The following ETV1 variants were observed in gnomAD, a reference collection of about 807,000 sequenced individuals.
The protein encoded by ETV1 is ETS translocation variant 1.
A neutral mutation model predicts 62.3 loss-of-function variants in ETV1; 27 were observed. That is an observed-to-expected ratio of 0.43 (90% confidence interval 0.32 to 0.60). The LOEUF is 0.60. Among genes scored for constraint, ETV1 ranks in the 20% least tolerant of loss-of-function variants. The pLI, the probability that ETV1 is intolerant of heterozygous loss-of-function variation, is 0.06. For synonymous variants in ETV1, 222 were observed against 199.6 expected, an observed-to-expected ratio of 1.11 and a Z score of -0.94; for missense variants, 605 against 605.8, an observed-to-expected ratio of 1.00 and a Z score of 0.01.
chr7:13,989,093 T>G lies in ETV1; in HGVS notation c.-41A>C. On this transcript the variant is annotated 5_prime_UTR_variant, in exon 3 of 14. Transcript: ENST00000430479. ...AAATCTCAGCTCAGTATTTTATATT[T>G]TGAGCATTTAGCTGGAGATTTCCTC... is the stretch of plus-strand genomic sequence containing the variant. 3 of 1,556,908 alleles carry G rather than the reference T, an allele frequency of 1.9e-6. No homozygotes were observed. The highest frequency in any genetic ancestry group is 2.6e-6 in the Non-Finnish European group (3 of 1,141,958).
intron 5 of ETV1, 27 bp downstream of exon 5, chr7:13,986,611 C>G: frequency 6.2e-7 from 1 of 1,610,186 alleles, no homozygotes; most frequent in Non-Finnish European, 8.5e-7. Flanking sequence ...GTTGCTTTCC[C>G]CCCTTTTAAA....
At chr7:13,933,322 G>C (rs762701170) in intron 8 of ETV1, among the ~76,000 whole-genome samples, 3 of 152,148 alleles carry the variant, frequency 2.0e-5, no homozygotes, top group African/African-American at 7.2e-5. Flanking sequence ...GCAAGGTTTT[G>C]GTGCAATTCT....
intron 6 of ETV1, among the ~76,000 whole-genome samples, chr7:13,950,432 G>A (rs557106639): frequency 1.6e-4 from 24 of 152,076 alleles, no homozygotes; most frequent in African/African-American, 5.3e-4. Context: ...TCTCTTGCAG[G>A]GATCCCTGAG....
At chr7:13,910,228 CTT>C (rs58867942) in intron 10 of ETV1, among the ~76,000 whole-genome samples, 47 of 120,238 alleles carry the variant, frequency 3.9e-4, no homozygotes, top group Admixed American at 5.3e-4. Context: ...AAAAGTTTCC[CTT>C]TTTTTTTTTT....
At chr7:13,963,044 A>G (rs1790370900) in intron 6 of ETV1, among the ~76,000 whole-genome samples, 1 of 152,116 alleles carries the variant, frequency 6.6e-6, no homozygotes, top group South Asian at 2.1e-4. Flanking sequence ...GCCATTCAAC[A>G]CCTATGAATG....
intron 11 of ETV1, among the ~76,000 whole-genome samples, chr7:13,908,401 C>G (rs17736124): frequency 0.078 from 11,908 of 152,006 alleles, 514 homozygotes; most frequent in Middle Eastern, 0.17. Context: ...TCACCAAACA[C>G]GAAAGAAACT....
chr7:13,935,624 A>G (rs901320594), intron 8 of ETV1, 84 bp downstream of exon 8: 25 of 1,161,922 alleles, frequency 2.2e-5, no homozygotes, highest in Non-Finnish European at 2.9e-5. Flanking sequence ...CCTTAAATCT[A>G]CTCTAGGCCT....
chr7:13,917,177 C>G (rs1395638223), intron 9 of ETV1, among the ~76,000 whole-genome samples: 1 of 152,018 alleles, frequency 6.6e-6, no homozygotes, highest in Non-Finnish European at 1.5e-5. Flanking sequence ...ATTATATGAT[C>G]TACTAGGCTC....
intron 6 of ETV1, among the ~76,000 whole-genome samples, chr7:13,975,446 T>C (rs759663503): frequency 6.7e-6 from 1 of 149,164 alleles, no homozygotes; most frequent in Non-Finnish European, 1.5e-5. Context: ...CTCGGGAGGC[T>C]GAGGCAGGAG....
chr7:13,934,188 A>C (rs1047135976), intron 8 of ETV1, among the ~76,000 whole-genome samples: 3 of 152,230 alleles, frequency 2.0e-5, no homozygotes, highest in African/African-American at 7.2e-5. Flanking sequence ...AGATGCACAT[A>C]CCATTGCACT....
intron 6 of ETV1, among the ~76,000 whole-genome samples, chr7:13,940,767 G>A (rs958182232): frequency 6.6e-6 from 1 of 152,116 alleles, no homozygotes; most frequent in Non-Finnish European, 1.5e-5. Flanking sequence ...TAGCTTGAAT[G>A]TTATATATAA....
At chr7:13,896,743 G>GGAAAGAAAGAAAGAAA (rs10694579) in intron 13 of ETV1, among the ~76,000 whole-genome samples, 13,539 of 115,160 alleles carry the variant, frequency 0.12, 1,019 homozygotes, top group East Asian at 0.19. Context: ...AAGAAAGAAA[G>GGAAAGAAAGAAAGAAA]GAAAGAAAGA....
chr7:13,903,579 A>G (rs1309586938), intron 12 of ETV1, among the ~76,000 whole-genome samples: 1 of 151,990 alleles, frequency 6.6e-6, no homozygotes, highest in African/African-American at 2.4e-5. Flanking sequence ...CCTGGCCAAC[A>G]TAGTGAAACC....
chr7:13,950,954 T>C (rs1346835853), intron 6 of ETV1, among the ~76,000 whole-genome samples: 1 of 142,574 alleles, frequency 7.0e-6, no homozygotes, highest in East Asian at 2.1e-4. Context: ...TATCGAGCAA[T>C]ACTGGGTCCA....
At chr7:13,919,092 A>C (rs1784531057) in intron 9 of ETV1, among the ~76,000 whole-genome samples, 2 of 152,150 alleles carry the variant, frequency 1.3e-5, no homozygotes, top group Admixed American at 6.5e-5. Flanking sequence ...GGAATCCTTT[A>C]TTATTGCCTG....
intron 11 of ETV1, chr7:13,907,840 G>A (rs1422199072): frequency 2.1e-6 from 1 of 470,310 alleles, no homozygotes; most frequent in Middle Eastern, 3.3e-4. Context: ...TTACAGAAAG[G>A]GCAACATTTG....
chr7:13,960,995 A>T (rs1790096724), intron 6 of ETV1, among the ~76,000 whole-genome samples: 1 of 152,118 alleles, frequency 6.6e-6, no homozygotes, highest in Admixed American at 6.6e-5. Flanking sequence ...ATAACAATTT[A>T]AAAATAGCTG....
intron 9 of ETV1, among the ~76,000 whole-genome samples, chr7:13,922,655 G>C (rs1784985074): frequency 6.6e-6 from 1 of 152,132 alleles, no homozygotes; most frequent in Non-Finnish European, 1.5e-5. Context: ...ATTGATCATG[G>C]GCTTTCCATT....
intron 9 of ETV1, among the ~76,000 whole-genome samples, chr7:13,930,316 A>G (rs987232647): frequency 2.0e-5 from 3 of 151,940 alleles, no homozygotes; most frequent in African/African-American, 4.8e-5. Context: ...TGGTGGTACT[A>G]TTTGGAAAAA....
Sources: allele counts gnomAD v4.1 joint callset (sites outside exome capture counted in the v4.1 genomes callset), GRCh38; gene constraint gnomAD v4.1.1; transcripts MANE v1.5; gene names NCBI Gene and HGNC (gene_info 2026-07-23, HGNC 2026-07-21).